STAG1: variants seen among roughly 807,000 people sequenced by gnomAD.
STAG1 encodes STAG1 cohesin complex component, also known as cohesin subunit SA-1.
A neutral mutation model predicts 170.9 loss-of-function variants in STAG1; 26 were observed. That is an observed-to-expected ratio of 0.15 (90% CI 0.11 to 0.21). The LOEUF is 0.21. Among genes scored for constraint, STAG1 ranks in the 10% least tolerant of loss-of-function variants. The pLI is 1.00. For missense variants in STAG1, 964 were observed against 1,509.5 expected, an observed-to-expected ratio of 0.64 and a Z score of 5.99; for synonymous variants, 514 against 497.7, an observed-to-expected ratio of 1.03 and a Z score of -0.44.
At chr3:136,472,684 ATC>A (rs2089655839) in intron 11 of STAG1, among the ~76,000 whole-genome samples, 192 bp from the exon 12 acceptor site, 1 of 152,200 alleles carries the variant, frequency 6.6e-6, no homozygotes, top group Non-Finnish European at 1.5e-5. Flanking sequence ...GTAATTTAAA[ATC>A]TTTCTCAACA....
chr3:136,683,265 A>G (rs1429780389), intron 1 of STAG1, among the ~76,000 whole-genome samples: 1 of 93,118 alleles, frequency 1.1e-5, no homozygotes, highest in Non-Finnish European at 2.1e-5. Flanking sequence ...GTATTTCAAC[A>G]CAATTTTTTT....
intron 1 of STAG1, among the ~76,000 whole-genome samples, chr3:136,632,412 A>T (rs916705608): frequency 1.3e-5 from 2 of 152,326 alleles, no homozygotes; most frequent in Non-Finnish European, 2.9e-5. Context: ...CCAACTCAAC[A>T]GTGTCAATGA....
intron 2 of STAG1, among the ~76,000 whole-genome samples, chr3:136,630,658 G>C (rs2107838003): frequency 6.6e-6 from 1 of 152,162 alleles, no homozygotes; most frequent in East Asian, 1.9e-4. Context: ...CTTTTTTGTT[G>C]AATATCAGAA....
At chr3:136,576,828 G>GA (rs1315828375) in intron 4 of STAG1, among the ~76,000 whole-genome samples, 1 of 152,154 alleles carries the variant, frequency 6.6e-6, no homozygotes, top group Non-Finnish European at 1.5e-5. Flanking sequence ...CATTTAGTAG[G>GA]ACCTTGGTTA....
At chr3:136,449,309 C>A (rs1264511836) in intron 14 of STAG1, among the ~76,000 whole-genome samples, 1 of 152,046 alleles carries the variant, frequency 6.6e-6, no homozygotes, top group East Asian at 1.9e-4. Flanking sequence ...GCCTGTAATC[C>A]CAGCACTTTG....
At chr3:136,681,194 T>G (rs969917679) in intron 1 of STAG1, among the ~76,000 whole-genome samples, 2 of 152,192 alleles carry the variant, frequency 1.3e-5, no homozygotes, top group Non-Finnish European at 2.9e-5. Context: ...CGAAGTTATG[T>G]ATATGATATG....
chr3:136,648,731 T>C (rs1270377875), intron 1 of STAG1, among the ~76,000 whole-genome samples: 1 of 152,210 alleles, frequency 6.6e-6, no homozygotes, highest in Non-Finnish European at 1.5e-5. Context: ...CTGACTATTT[T>C]ACCTGTAAAA....
At chr3:136,649,180 G>A (rs1189205687) in intron 1 of STAG1, among the ~76,000 whole-genome samples, 1 of 151,930 alleles carries the variant, frequency 6.6e-6, no homozygotes, top group African/African-American at 2.4e-5. Flanking sequence ...TTTGTTAATT[G>A]AAAGGGTTGT....
At chr3:136,740,444 G>T (rs138737277) in intron 1 of STAG1, among the ~76,000 whole-genome samples, 183 of 152,218 alleles carry the variant, frequency 1.2e-3, no homozygotes, top group African/African-American at 4.0e-3. Context: ...ATTGTAAAAT[G>T]TTTATTGGCA....
Position 136,351,880 on chromosome 3 carries a change from G to T in STAG1, c.3066-2517C>A, listed in dbSNP as rs897353415. On this transcript the variant is annotated intron_variant, in intron 28 of 33. Coordinates refer to ENST00000383202, the MANE Select transcript of STAG1 (RefSeq NM_005862.3). ...AAAGGGTAAACCTAACTGGCTAAGG[G>T]GTTTAAGCGCAACCTTTGATCAGTA... is the stretch of plus-strand genomic sequence containing the variant. Among the ~76,000 whole-genome samples the T allele has an allele frequency of 2.6e-5, 4 of 152,154 alleles. No individual in the cohort carries two copies. In the South Asian group the frequency reaches 8.3e-4, roughly 32 times the overall value.
At chr3:136,401,024 A>C (rs2087309330) in intron 21 of STAG1, among the ~76,000 whole-genome samples, 1 of 152,238 alleles carries the variant, frequency 6.6e-6, no homozygotes, top group African/African-American at 2.4e-5. Context: ...TGGGAAAAGA[A>C]GGTATAGTTT....
At chr3:136,611,583 C>T (rs1939280282) in intron 3 of STAG1, among the ~76,000 whole-genome samples, 1 of 151,828 alleles carries the variant, frequency 6.6e-6, no homozygotes, top group Non-Finnish European at 1.5e-5. Context: ...GCAACCTCCC[C>T]TCCCAAGCTT....
chr3:136,388,911 T>G (rs1179340945), intron 22 of STAG1, among the ~76,000 whole-genome samples: 1 of 152,180 alleles, frequency 6.6e-6, no homozygotes, highest in Non-Finnish European at 1.5e-5. Context: ...AAATCTCAAA[T>G]CTCTGTACTA....
chr3:136,751,901 A>G (rs545967848), intron 1 of STAG1, among the ~76,000 whole-genome samples: 1 of 150,838 alleles, frequency 6.6e-6, no homozygotes, highest in Admixed American at 6.6e-5. Flanking sequence ...GGCGGGGGCA[A>G]AATTTTTGGT....
At chr3:136,740,174 C>T (rs949473787) in intron 1 of STAG1, among the ~76,000 whole-genome samples, 3 of 152,040 alleles carry the variant, frequency 2.0e-5, no homozygotes, top group East Asian at 1.9e-4. Flanking sequence ...TCGCTTGAGG[C>T]GGAGGTTTCA....
intron 24 of STAG1, among the ~76,000 whole-genome samples, 199 bp downstream of exon 24, chr3:136,368,909 C>T (rs1937185287): frequency 6.6e-6 from 1 of 152,046 alleles, no homozygotes; most frequent in Non-Finnish European, 1.5e-5. Flanking sequence ...AGGCTGCTCT[C>T]GAACTTCTGG....
intron 27 of STAG1, 40 bp from the exon 28 acceptor site, chr3:136,357,888 T>A: frequency 6.5e-7 from 1 of 1,536,020 alleles, no homozygotes; most frequent in East Asian, 2.3e-5. Context: ...TTCCAGATAG[T>A]GTAATTCTCT....
chr3:136,398,277 C>T (rs1178476419), intron 22 of STAG1, among the ~76,000 whole-genome samples: 2 of 152,092 alleles, frequency 1.3e-5, no homozygotes, highest in Non-Finnish European at 2.9e-5. Flanking sequence ...ATCACCATGC[C>T]CAGCTAATTT....
intron 1 of STAG1, among the ~76,000 whole-genome samples, chr3:136,675,820 G>A (rs1245584905): frequency 6.6e-6 from 1 of 152,058 alleles, no homozygotes. Context: ...GTCATATGTT[G>A]CTTGACTGTA....
Sources: allele counts gnomAD v4.1 joint callset (sites outside exome capture counted in the v4.1 genomes callset), GRCh38; gene constraint gnomAD v4.1.1; transcripts MANE v1.5; gene names NCBI Gene and HGNC (gene_info 2026-07-23, HGNC 2026-07-21).